The following TRMT9B variants were observed in gnomAD, a reference collection of about 807,000 sequenced individuals.
TRMT9B encodes probable tRNA methyltransferase 9B.
In TRMT9B, 16 loss-of-function variants were observed where a neutral mutation model predicts 11.5. The ratio of observed to expected loss-of-function variants is 1.39; its 90% CI spans 0.94 to 2.11. TRMT9B has a LOEUF of 2.11. Ranked by LOEUF, TRMT9B falls within the 30% of genes most tolerant of loss-of-function variation. The pLI is 0.00. For missense variants in TRMT9B, 941 were observed against 553.8 expected, an observed-to-expected ratio of 1.70 and a Z score of -7.02; for synonymous variants, 274 against 192.4, an observed-to-expected ratio of 1.42 and a Z score of -3.51.
At chr8:13,010,446 C>G (rs1811383122) in intron 3 of TRMT9B, 4 of 985,130 alleles carry the variant, frequency 4.1e-6, no homozygotes, top group South Asian at 4.7e-5. Flanking sequence ...GGTTTTTCCA[C>G]TTAGCTAAAG....
intron 1 of TRMT9B, among the ~76,000 whole-genome samples, chr8:12,978,026 C>T (rs1027146658): frequency 2.6e-5 from 4 of 152,036 alleles, no homozygotes; most frequent in Non-Finnish European, 5.9e-5. Flanking sequence ...GAGACCCTGT[C>T]TCCAAAAAAA....
chr8:12,998,071 G>A (rs183224879), intron 2 of TRMT9B, among the ~76,000 whole-genome samples: 8 of 152,152 alleles, frequency 5.3e-5, no homozygotes, highest in East Asian at 3.9e-4. Flanking sequence ...AAAGTCTCTC[G>A]CCCATTTTTC....
intron 4 of TRMT9B, among the ~76,000 whole-genome samples, chr8:13,016,567 A>C (rs1812750969): frequency 6.6e-6 from 1 of 151,814 alleles, no homozygotes; most frequent in Non-Finnish European, 1.5e-5. Context: ...TTTTAATAAT[A>C]ATGTGAGCTT....
chr8:12,997,967 T>C (rs558726946), intron 2 of TRMT9B, among the ~76,000 whole-genome samples: 1 of 152,216 alleles, frequency 6.6e-6, no homozygotes, highest in Non-Finnish European at 1.5e-5. Flanking sequence ...GGGATCCTAT[T>C]GTGGCTTAAA....
chr8:13,029,499 G>T lies in TRMT9B; in HGVS notation c.*7455G>T. 1 of 166,988 alleles carries T rather than the reference G, an allele frequency of 6.0e-6. No homozygotes were observed. The highest frequency in any genetic ancestry group is 6.5e-5 in the Admixed American group (1 of 15,288). 10.3% of individuals were successfully genotyped at this position (166,988 alleles called of 1,614,324 possible). ...TTATGATATGTATTCAATTATTTAA[G>T]TTAAGTATCAGTGTATTTTTAAAAA... On this transcript the variant is annotated 3_prime_UTR_variant, in exon 5 of 5. Transcript: ENST00000524591.
chr8:12,993,388 T>G (rs4831383), intron 2 of TRMT9B, among the ~76,000 whole-genome samples: 1 of 152,170 alleles, frequency 6.6e-6, no homozygotes, highest in Non-Finnish European at 1.5e-5. Context: ...GAATGGCACA[T>G]GTGCTATGTG....
chr8:12,987,383 A>G (rs1165185636), intron 1 of TRMT9B, among the ~76,000 whole-genome samples: 1 of 152,160 alleles, frequency 6.6e-6, no homozygotes, highest in East Asian at 1.9e-4. Flanking sequence ...ATAAGTTGAA[A>G]ATATTATAAG....
At chr8:12,953,596 A>G (rs1432707552) in intron 1 of TRMT9B, among the ~76,000 whole-genome samples, 4 of 152,178 alleles carry the variant, frequency 2.6e-5, no homozygotes, top group Non-Finnish European at 4.4e-5. Flanking sequence ...CAAATGATCC[A>G]CCCACCTTGG....
chr8:12,981,608 T>A (rs11204001), intron 1 of TRMT9B, among the ~76,000 whole-genome samples: 44,073 of 151,850 alleles, frequency 0.29, 6,896 homozygotes, highest in East Asian at 0.6. Flanking sequence ...TTATTTATTT[T>A]TTTTTGATAG....
chr8:12,963,635 C>A (rs1481355945), intron 1 of TRMT9B, among the ~76,000 whole-genome samples: 1 of 151,656 alleles, frequency 6.6e-6, no homozygotes, highest in Non-Finnish European at 1.5e-5. Context: ...GTAGTTCTAG[C>A]TACTCGGGAG....
rs372681112 is a variant in TRMT9B, at chr8:13,025,734, C to T, written c.*3690C>T. 6.0e-6 allele frequency: 1 copy of T among 166,996 alleles called. No homozygotes were observed. The highest frequency in any genetic ancestry group is 6.5e-5 in the Admixed American group (1 of 15,272). 10.3% of individuals were successfully genotyped at this position (166,996 alleles called of 1,614,324 possible). A position where few individuals can be genotyped will look rare whatever the true frequency, so the allele number is the denominator to read the frequency against. On this transcript the variant is annotated 3_prime_UTR_variant, in exon 5 of 5. Coordinates refer to ENST00000524591, the MANE Select transcript of TRMT9B (RefSeq NM_020844.3). ...CCAGCATATCAAAGTAACTAACAAA[C>T]TAGCTACACAAACGTCTTGGAGTTT... is the stretch of plus-strand genomic sequence containing the variant.
intron 4 of TRMT9B, among the ~76,000 whole-genome samples, chr8:13,018,920 G>C (rs1455333543): frequency 1.3e-5 from 2 of 152,148 alleles, no homozygotes; most frequent in Admixed American, 1.3e-4. Flanking sequence ...CAAACATGCA[G>C]AAAATGTGGC....
chr8:12,991,864 G>A (rs1325139825), intron 2 of TRMT9B, among the ~76,000 whole-genome samples: 1 of 152,180 alleles, frequency 6.6e-6, no homozygotes, highest in East Asian at 1.9e-4. Context: ...CCAGGAGGTG[G>A]AGGTTGCAGC....
At chr8:12,956,963 G>A (rs1300579331) in intron 1 of TRMT9B, among the ~76,000 whole-genome samples, 2 of 151,976 alleles carry the variant, frequency 1.3e-5, no homozygotes, top group African/African-American at 4.8e-5. Flanking sequence ...CTTGATTATT[G>A]AACAAAATTT....
chr8:12,997,886 G>A (rs1458752162), intron 2 of TRMT9B, among the ~76,000 whole-genome samples: 1 of 152,106 alleles, frequency 6.6e-6, no homozygotes, highest in Non-Finnish European at 1.5e-5. Flanking sequence ...AGAACTCACC[G>A]ATTCCATGTT....
chr8:12,959,935 AG>A (rs1456425291), intron 1 of TRMT9B: 1 of 152,218 alleles, frequency 6.6e-6, no homozygotes, highest in Non-Finnish European at 1.5e-5. Flanking sequence ...CCAGGTACCC[AG>A]AAAAGTATTC....
At chr8:13,012,187 C>G in intron 3 of TRMT9B, 1 of 984,930 alleles carries the variant, frequency 1.0e-6, no homozygotes. Flanking sequence ...TTTCTCTCTT[C>G]TATATGAGAA....
chr8:13,003,612 C>G (rs1239219384), intron 2 of TRMT9B, among the ~76,000 whole-genome samples: 1 of 151,880 alleles, frequency 6.6e-6, no homozygotes, highest in Admixed American at 6.6e-5. Flanking sequence ...CTTAAGAGGT[C>G]TGGTGAGGCC....
intron 2 of TRMT9B, among the ~76,000 whole-genome samples, chr8:13,002,929 C>T (rs1289711601): frequency 6.6e-6 from 1 of 152,054 alleles, no homozygotes; most frequent in Non-Finnish European, 1.5e-5. Context: ...TGTAGTGTCC[C>T]CTCCCTTCCC....
Sources: allele counts gnomAD v4.1 joint callset (sites outside exome capture counted in the v4.1 genomes callset), GRCh38; gene constraint gnomAD v4.1.1; transcripts MANE v1.5; gene names NCBI Gene and HGNC (gene_info 2026-07-23, HGNC 2026-07-21).